PTPRK: variants seen among roughly 807,000 people sequenced by gnomAD.
PTPRK encodes the protein protein tyrosine phosphatase receptor type K.
In PTPRK, 75 loss-of-function variants were observed where a neutral mutation model predicts 178.0. The observed-to-expected ratio is 0.42, with a 90% CI of 0.35 to 0.51. The LOEUF is 0.51. PTPRK is among the 20% of genes least tolerant of loss of function. The pLI, the probability that PTPRK is intolerant of heterozygous loss-of-function variation, is 0.02. For synonymous variants in PTPRK, 637 were observed against 620.6 expected, an observed-to-expected ratio of 1.03 and a Z score of -0.39; for missense variants, 1,441 against 1,797.8, an observed-to-expected ratio of 0.80 and a Z score of 3.59.
At chr6:128,069,097 G>T (rs1782355410) in intron 11 of PTPRK, among the ~76,000 whole-genome samples, 1 of 152,026 alleles carries the variant, frequency 6.6e-6, no homozygotes, top group African/African-American at 2.4e-5. Context: ...GATCTTCATA[G>T]ATTAAACAAA....
Position 127,985,739 on chromosome 6 carries a change from G to C in PTPRK, c.3233C>G (p.Pro1078Arg). 6.2e-7 allele frequency: 1 copy of C among 1,612,858 alleles called. No individual in the cohort carries two copies. Among genetic ancestry groups the C allele is most frequent in the Non-Finnish European group, 8.5e-7 (1 of 1,179,134 alleles). ...CACTTACCTGCAATGTACAACGATG[G>C]GGCCAGCACTGGGAGGGTTTGATAA... ...VKLSNPPSAG[P>R]IVVHCSAGAG... is the part of the protein sequence containing the mutation. Residue 1078 changes from proline to arginine, a missense_variant, in exon 22 of 30, where the codon CCC (proline) becomes CGC (arginine). Coordinates refer to ENST00000368226, the MANE Select transcript of PTPRK (RefSeq NM_002844.4).
chr6:128,491,913 A>G, intron 1 of PTPRK: 1 of 457,320 alleles, frequency 2.2e-6, no homozygotes, highest in Non-Finnish European at 4.4e-6. Flanking sequence ...ATACTTGGCA[A>G]TGAAACTTCC....
intron 3 of PTPRK, among the ~76,000 whole-genome samples, chr6:128,281,657 T>C (rs368217255): frequency 6.6e-6 from 1 of 152,088 alleles, no homozygotes; most frequent in South Asian, 2.1e-4. Flanking sequence ...ACCTCGGTGA[T>C]TAGAGAACTT....
intron 5 of PTPRK, among the ~76,000 whole-genome samples, chr6:128,224,830 C>T (rs1811003081): frequency 6.6e-6 from 1 of 152,270 alleles, no homozygotes; most frequent in Non-Finnish European, 1.5e-5. Flanking sequence ...AGAGCTGATT[C>T]ATCACCATAA....
At chr6:128,337,020 A>C (rs912746083) in intron 2 of PTPRK, among the ~76,000 whole-genome samples, 3 of 152,180 alleles carry the variant, frequency 2.0e-5, no homozygotes, top group Non-Finnish European at 4.4e-5. Context: ...GCTCATTAAC[A>C]GTTCATGGTT....
intron 7 of PTPRK, among the ~76,000 whole-genome samples, chr6:128,126,778 G>A (rs1793452438): frequency 6.6e-6 from 1 of 152,182 alleles, no homozygotes; most frequent in Non-Finnish European, 1.5e-5. Flanking sequence ...GGTGACCCAT[G>A]GCACTCAGCC....
intron 7 of PTPRK, among the ~76,000 whole-genome samples, chr6:128,175,992 C>G (rs1217334908): frequency 6.6e-6 from 1 of 151,814 alleles, no homozygotes; most frequent in East Asian, 1.9e-4. Flanking sequence ...GCACAATGCA[C>G]ACACATGCAT....
chr6:128,443,659 A>G (rs139207157), intron 1 of PTPRK, among the ~76,000 whole-genome samples: 10 of 152,300 alleles, frequency 6.6e-5, no homozygotes, highest in African/African-American at 2.2e-4. Context: ...ACAGAGAAGG[A>G]ATTATGACTC....
intron 3 of PTPRK, among the ~76,000 whole-genome samples, chr6:128,275,461 G>A (rs1274521020): frequency 1.3e-5 from 2 of 151,816 alleles, no homozygotes; most frequent in Non-Finnish European, 2.9e-5. Flanking sequence ...AGAGTTCAAG[G>A]GCCTGTGGCA....
chr6:128,396,655 T>G (rs2128368296), intron 2 of PTPRK, among the ~76,000 whole-genome samples: 1 of 152,216 alleles, frequency 6.6e-6, no homozygotes, highest in East Asian at 1.9e-4. Flanking sequence ...CAATTATAAA[T>G]TATATTATCT....
At chr6:128,187,393 T>C (rs1221945105) in intron 6 of PTPRK, among the ~76,000 whole-genome samples, 1 of 152,100 alleles carries the variant, frequency 6.6e-6, no homozygotes, top group East Asian at 1.9e-4. Context: ...ATGAAAAAAA[T>C]GCTTACACAT....
chr6:128,424,467 G>C (rs777306745), intron 1 of PTPRK, among the ~76,000 whole-genome samples: 1 of 152,172 alleles, frequency 6.6e-6, no homozygotes, highest in Non-Finnish European at 1.5e-5. Flanking sequence ...AATCAGACTA[G>C]TAAGTAAATA....
intron 3 of PTPRK, among the ~76,000 whole-genome samples, chr6:128,251,513 C>T (rs985221759): frequency 3.3e-5 from 5 of 152,098 alleles, no homozygotes; most frequent in Admixed American, 1.3e-4. Context: ...ATCAAGACTT[C>T]GCATCAGGAT....
At chr6:128,447,865 G>T (rs940618960) in intron 1 of PTPRK, among the ~76,000 whole-genome samples, 5 of 151,986 alleles carry the variant, frequency 3.3e-5, no homozygotes, top group African/African-American at 4.8e-5. Flanking sequence ...CTTGTGATCC[G>T]CCTGCCTTGA....
intron 1 of PTPRK, among the ~76,000 whole-genome samples, chr6:128,503,842 T>TTGTGTGTGTGTGTGTGTGTGTGTGTG (rs57723685): frequency 1.7e-4 from 24 of 139,972 alleles, no homozygotes; most frequent in African/African-American, 5.7e-4. Context: ...CTGGTTATTA[T>TTGTGTGTGTGTGTGTGTGTGTGTGTG]TGTGTGTGTG....
chr6:128,021,588 G>C (rs917193088), intron 13 of PTPRK, among the ~76,000 whole-genome samples: 17 of 152,120 alleles, frequency 1.1e-4, no homozygotes, highest in Admixed American at 7.2e-4. Context: ...TGCAGTGAGC[G>C]GAGATTGTGC....
At chr6:128,240,551 T>A (rs1448140071) in intron 4 of PTPRK, among the ~76,000 whole-genome samples, 1 of 152,164 alleles carries the variant, frequency 6.6e-6, no homozygotes. Context: ...TGAAAACATA[T>A]AATGATTTCT....
rs779803555 is a variant in PTPRK, at chr6:128,352,417, GTTGC to G, written c.224-30111_224-30108del. ...ATTTTTCATTCTGCAACTACCTCTA[GTTGC>G]AGATCACTGTACAGTCCAGATTTGA... On this transcript the variant is annotated intron_variant, in intron 2 of 29. Transcript: ENST00000368226. 5.3e-5 allele frequency among the ~76,000 whole-genome samples: 8 copies of G among 152,140 alleles called. No homozygotes were observed. The East Asian group carries it at 9.6e-4, about 18-fold the overall frequency.
In PTPRK at chr6:128,520,268, A is replaced by G. The variant is rs531770624; in HGVS notation, c.91T>C (p.Phe31Leu). ...WPLLGSAQGQFSAGGCTFDDG... is the reference protein window; with the variant it reads ...WPLLGSAQGQLSAGGCTFDDG... ...CCCCCCGGCCACTCACCTGCGGAGA[A>G]CTGGCCTTGGGCCGATCCCAGGAGA... Residue 31 changes from phenylalanine to leucine, a missense_variant, in exon 1 of 30, where the codon TTC becomes CTC. This residue lies in a region of PTPRK where 158 missense variants were observed against 188.0 expected (regional missense o/e 0.84). Transcript: ENST00000368226. 6.3e-7 allele frequency: 1 copy of G among 1,598,864 alleles called. No homozygotes were observed. Among genetic ancestry groups the G allele is most frequent in the African/African-American group, 1.3e-5 (1 of 74,696 alleles).
Sources: allele counts gnomAD v4.1 joint callset (sites outside exome capture counted in the v4.1 genomes callset), GRCh38; gene constraint gnomAD v4.1.1; regional missense constraint gnomAD v4.1.1; transcripts MANE v1.5; gene names NCBI Gene and HGNC (gene_info 2026-07-23, HGNC 2026-07-21).